The following SLC24A2 variants were observed in gnomAD, a reference collection of about 807,000 sequenced individuals.
The protein encoded by SLC24A2 is sodium/potassium/calcium exchanger 2.
SLC24A2 carries 36 observed loss-of-function variants against 62.0 expected under a neutral mutation model. The observed-to-expected ratio is 0.58, with a 90% CI of 0.44 to 0.77. The LOEUF is 0.77. Among genes scored for constraint, SLC24A2 ranks in the 30% least tolerant of loss-of-function variants. The pLI is 0.00. For missense variants in SLC24A2, 846 were observed against 817.9 expected, an observed-to-expected ratio of 1.03 and a Z score of -0.42; for synonymous variants, 358 against 294.0, an observed-to-expected ratio of 1.22 and a Z score of -2.23.
chr9:19,533,710 G>A (rs1016359067), intron 8 of SLC24A2, among the ~76,000 whole-genome samples: 13 of 152,320 alleles, frequency 8.5e-5, no homozygotes, highest in African/African-American at 3.1e-4. Context: ...CTGTCCAGCT[G>A]AGCACAACCC....
Position 19,749,627 on chromosome 9 carries a change from G to T in SLC24A2, c.930+36310C>A, listed in dbSNP as rs1821926527. Among the ~76,000 whole-genome samples the T allele has an allele frequency of 2.6e-5, 4 of 152,268 alleles. No individual in the cohort carries two copies. The South Asian group carries it at 8.3e-4, about 32-fold the overall frequency. On this transcript the variant is annotated intron_variant, in intron 2 of 10. Transcript: ENST00000341998. ...CCATATTTAGCAAATAAAAATTCAAGATGCTCAGCTAAATTTGCATTGCAG... is the reference window on the plus strand; with the variant it reads ...CCATATTTAGCAAATAAAAATTCAATATGCTCAGCTAAATTTGCATTGCAG...
chr9:20,206,372 G>A, the SLC24A2 span, among the ~76,000 whole-genome samples: 1 of 152,126 alleles, frequency 6.6e-6, no homozygotes, highest in Admixed American at 6.5e-5. Flanking sequence ...GTAGAGACTT[G>A]CAAAAATGTA....
the SLC24A2 span, among the ~76,000 whole-genome samples, chr9:20,185,816 G>T: frequency 6.6e-6 from 1 of 152,174 alleles, no homozygotes; most frequent in Admixed American, 6.5e-5. Context: ...GCCAGGTAGG[G>T]AAGGGGGTAA....
chr9:19,562,453 A>C (rs1835450393), intron 7 of SLC24A2, among the ~76,000 whole-genome samples: 1 of 152,214 alleles, frequency 6.6e-6, no homozygotes, highest in African/African-American at 2.4e-5. Context: ...CGAGATTCTC[A>C]GCGAATATAT....
chr9:19,989,639 G>T, the SLC24A2 span, among the ~76,000 whole-genome samples: 1 of 152,060 alleles, frequency 6.6e-6, no homozygotes, highest in Non-Finnish European at 1.5e-5. Flanking sequence ...TTCCCTTGCT[G>T]CTTTTAATCT....
intron 2 of SLC24A2, among the ~76,000 whole-genome samples, chr9:19,774,833 A>T (rs906956511): frequency 7.2e-5 from 11 of 152,140 alleles, no homozygotes; most frequent in African/African-American, 2.4e-4. Context: ...TTGGAAAGGC[A>T]CTCTGAAGGA....
At chr9:20,041,068 C>A in the SLC24A2 span, among the ~76,000 whole-genome samples, 2 of 152,172 alleles carry the variant, frequency 1.3e-5, no homozygotes, top group Admixed American at 1.3e-4. Flanking sequence ...TTTAAAGAAG[C>A]AATGTCTAAA....
Position 19,597,266 on chromosome 9 carries a change from A to T in SLC24A2, c.1092T>A (p.Tyr364Ter), listed in dbSNP as rs1445042983. 1.9e-6 allele frequency: 3 copies of T among 1,581,840 alleles called. No homozygotes were observed. Among genetic ancestry groups the T allele is most frequent in the Non-Finnish European group, 1.7e-6 (2 of 1,150,878 alleles). The change falls in exon 5 of 11, where the codon TAT (tyrosine) becomes TAA (stop). Residue 364 changes from tyrosine to a stop codon, truncating the protein, a stop_gained. Coordinates refer to ENST00000341998, the MANE Select transcript of SLC24A2 (RefSeq NM_020344.4). LOFTEE classifies it high-confidence loss of function. ...LDPLAEELGSYGKLKYYDTMT... is the reference protein window; with the variant it reads ...LDPLAEELGS ...TTGTGTCATAATATTTTAGTTTTCC[A>T]TATGATCCAAGTTCTACAACATCAC...
At chr9:19,756,870 T>C (rs1402269237) in intron 2 of SLC24A2, among the ~76,000 whole-genome samples, 1 of 150,490 alleles carries the variant, frequency 6.6e-6, no homozygotes, top group African/African-American at 2.4e-5. Context: ...TGTATAAAAC[T>C]AGAGCTTGAT....
chr9:19,761,446 C>T (rs1406768908), intron 2 of SLC24A2, among the ~76,000 whole-genome samples: 1 of 149,842 alleles, frequency 6.7e-6, no homozygotes, highest in East Asian at 1.9e-4. Flanking sequence ...TTGTTGGTTG[C>T]ATAAATGTCA....
the SLC24A2 span, among the ~76,000 whole-genome samples, chr9:20,023,560 C>A: frequency 8.8e-6 from 1 of 113,338 alleles, no homozygotes; most frequent in Non-Finnish European, 1.9e-5. Flanking sequence ...ATTCAGAAAG[C>A]CCCCCCACCT....
the SLC24A2 span, among the ~76,000 whole-genome samples, chr9:19,863,228 C>T: frequency 6.6e-6 from 1 of 151,992 alleles, no homozygotes; most frequent in Non-Finnish European, 1.5e-5. Flanking sequence ...CACTGGAGCA[C>T]CCAGATACAT....
chr9:19,579,389 T>C (rs1488095399), intron 5 of SLC24A2, among the ~76,000 whole-genome samples: 1 of 152,174 alleles, frequency 6.6e-6, no homozygotes, highest in Non-Finnish European at 1.5e-5. Flanking sequence ...TTGAGTACTC[T>C]GCAGTCCTCA....
the SLC24A2 span, among the ~76,000 whole-genome samples, chr9:20,044,908 C>G: frequency 6.6e-6 from 1 of 152,056 alleles, no homozygotes; most frequent in African/African-American, 2.4e-5. Flanking sequence ...ACATGACTTA[C>G]ACAGGTTACA....
At chr9:19,739,767 TAAAC>T (rs1162087725) in intron 2 of SLC24A2, among the ~76,000 whole-genome samples, 2 of 152,154 alleles carry the variant, frequency 1.3e-5, no homozygotes, top group Non-Finnish European at 2.9e-5. Flanking sequence ...AAAAATTTCT[TAAAC>T]AAGACTAAAT....
chr9:20,244,871 AT>A, the SLC24A2 span, among the ~76,000 whole-genome samples: 1 of 152,162 alleles, frequency 6.6e-6, no homozygotes, highest in African/African-American at 2.4e-5. Flanking sequence ...TTTAAAAAAA[AT>A]CTGTGGTTTT....
At chr9:19,565,132 G>T (rs991142731) in intron 7 of SLC24A2, among the ~76,000 whole-genome samples, 1 of 152,054 alleles carries the variant, frequency 6.6e-6, no homozygotes, top group Non-Finnish European at 1.5e-5. Context: ...GCAGGAGAAA[G>T]AAATAAAGGT....
intron 3 of SLC24A2, 62 bp from the exon 4 acceptor site, chr9:19,619,754 A>T: frequency 4.8e-6 from 6 of 1,246,836 alleles, no homozygotes; most frequent in Non-Finnish European, 7.1e-6. Flanking sequence ...CATTATAGAC[A>T]AGATCCTCAC....
intron 2 of SLC24A2, among the ~76,000 whole-genome samples, chr9:19,733,043 C>A (rs1821385494): frequency 1.3e-5 from 2 of 151,390 alleles, no homozygotes; most frequent in East Asian, 3.9e-4. Flanking sequence ...TATGAAGTCA[C>A]ATAAGGATGA....
Sources: gnomAD v4.1 joint callset for allele counts (sites outside exome capture counted in the v4.1 genomes callset) on GRCh38, gnomAD v4.1.1 for gene constraint, MANE v1.5 for transcripts, NCBI Gene and HGNC (gene_info 2026-07-23, HGNC 2026-07-21) for gene names.